MUC6: variants seen among roughly 807,000 people sequenced by gnomAD.
MUC6 encodes mucin 6, oligomeric mucus/gel-forming (gene/pseudogene).
A neutral mutation model predicts 201.5 loss-of-function variants in MUC6; 188 were observed. The ratio of observed to expected loss-of-function variants is 0.93; its 90% CI spans 0.83 to 1.05. The LOEUF is 1.05. Among genes scored for constraint, MUC6 ranks in the 50% least tolerant of loss-of-function variants. MUC6 has a pLI of 0.00. For missense variants in MUC6, 2,706 were observed against 3,256.9 expected (o/e 0.83, Z 4.12); for synonymous variants, 1,228 against 1,389.4 (o/e 0.88, Z 2.58).
rs1482885652 is a variant in MUC6 at position 1,026,975 on chromosome 11, G to A, written c.2360C>T (p.Pro787Leu). ...SENKFGAACA[P>L]TCQMLATGVA... is the part of the protein sequence containing the mutation. ...ACCGGTGGCCAGCATCTGGCATGTG[G>A]GGGCACAGGCTGCCCCAAACTTGTT... The change falls in exon 19 of 33, where the codon CCC (proline) becomes CTC (leucine). Residue 787 changes from proline (P) to leucine (L), a missense_variant. Physicochemically the swap from Pro to Leu is moderately conservative, Grantham distance 98. Coordinates refer to ENST00000421673, the MANE Select transcript of MUC6 (RefSeq NM_005961.3). 1.3e-6 allele frequency: 2 copies of A among 1,598,666 alleles called. No individual in the cohort carries two copies. Among genetic ancestry groups the A allele is most frequent in the Admixed American group, 3.5e-5 (2 of 57,810 alleles).
Position 1,027,019 on chromosome 11 carries a change from G to A in MUC6, c.2316C>T (p.Ser772=). ...ASCQAPKTFK[S]CSQSSENKFG... ...ACTTGTTCTCGGAGGACTGGCTGCAGGACTTGAAGGTCTTAGGGGCCTGGC... is the reference window on the plus strand; with the variant it reads ...ACTTGTTCTCGGAGGACTGGCTGCAAGACTTGAAGGTCTTAGGGGCCTGGC... The change falls in exon 19 of 33, where the codon TCC becomes TCT. Residue 772 remains serine (S), a synonymous_variant. Coordinates refer to ENST00000421673, the MANE Select transcript of MUC6 (RefSeq NM_005961.3). 6.2e-7 allele frequency: 1 copy of A among 1,602,770 alleles called. No individual in the cohort carries two copies. Among genetic ancestry groups the A allele is most frequent in the Non-Finnish European group, 8.5e-7 (1 of 1,175,522 alleles).
At chr11:1,026,519 C>T (rs777300723) in intron 19 of MUC6, 41 bp from the exon 20 acceptor site, 4 of 1,521,954 alleles carry the variant, frequency 2.6e-6, no homozygotes, top group Non-Finnish European at 2.6e-6. Flanking sequence ...AGGGTGGCCT[C>T]AGCCAGCTGC....
intron 25 of MUC6, 115 bp from the exon 26 acceptor site, chr11:1,023,767 C>G: frequency 6.7e-7 from 1 of 1,487,748 alleles, no homozygotes; most frequent in Non-Finnish European, 9.0e-7. Context: ...GGTCTGGGCC[C>G]TCTTGGTGAA....
In MUC6 at chr11:1,030,138, G is replaced by A. The variant is rs1465036061; in HGVS notation, c.1015+75C>T. ...TGGGGTGACCTGGGTCGGGGTGGGT[G>A]GGGTCTGACGTCCCCTTGTCTCTGG... On this transcript the variant is annotated intron_variant, in intron 8 of 32. Coordinates refer to ENST00000421673, the MANE Select transcript of MUC6 (RefSeq NM_005961.3). The A allele has an allele frequency of 6.9e-6, 10 of 1,459,806 alleles. No homozygotes were observed. The East Asian group carries it at 2.5e-4, about 37-fold the overall frequency. 90.4% of individuals were successfully genotyped at this position (1,459,806 alleles called of 1,614,324 possible).
intron 32 of MUC6, 130 bp downstream of exon 32, chr11:1,013,769 G>T: frequency 7.2e-7 from 1 of 1,388,788 alleles, no homozygotes; most frequent in Non-Finnish European, 9.9e-7. Context: ...GGGCGGTGTT[G>T]GGCAGATGGA....
chr11:1,013,531 C>T lies in MUC6; in HGVS notation c.7245G>A (p.Thr2415=), dbSNP rs767278489. 2.1e-5 allele frequency: 34 copies of T among 1,581,788 alleles called. No individual in the cohort carries two copies. Among genetic ancestry groups the T allele is most frequent in the Admixed American group, 1.1e-4 (6 of 55,426 alleles). The part of the protein sequence containing the change: ...QLELPCPDPS[T]PGRRLVLTLQ... ...GGGTGAGTACGAGCCGCCGGCCAGG[C>T]GTGCTGGGATCGGGGCAGGGCAGCT... is the stretch of plus-strand genomic sequence containing the variant. The change falls in exon 33 of 33, where the codon ACG becomes ACA. Residue 2415 remains threonine (T), a synonymous_variant. Transcript: ENST00000421673.
chr11:1,030,527 G>A, intron 7 of MUC6, 46 bp downstream of exon 7: 1 of 1,465,510 alleles, frequency 6.8e-7, no homozygotes, highest in Non-Finnish European at 9.0e-7. Context: ...GCTGGGTCTG[G>A]AGCCCTCGGC....
In MUC6 at chr11:1,023,628, G is replaced by A. The variant is rs373492122; in HGVS notation, c.3407C>T (p.Thr1136Met). The change falls in exon 26 of 33, where the codon ACG (threonine) becomes ATG (methionine). Residue 1136 changes from threonine (T) to methionine (M), a missense_variant. This residue lies in a region of MUC6 where 1,850 missense variants were observed against 1,958.3 expected (regional missense o/e 0.94). Transcript: ENST00000421673. The part of the protein sequence containing the change: ...FCPIYCGFYN[T>M]HTQDGHGEYQ... ...CTCGCCATGGCCGTCCTGCGTGTGC[G>A]TGTTGTAGAAGCCGCAGTAGATGGC... The A allele has an allele frequency of 1.2e-5, 19 of 1,612,720 alleles. No individual in the cohort carries two copies. The South Asian group carries it at 1.4e-4, about 12-fold the overall frequency.
Position 1,013,414 on chromosome 11 carries a change from A to T in MUC6, c.*42T>A. The T allele has an allele frequency of 6.6e-7, 1 of 1,520,524 alleles. No homozygotes were observed. The highest frequency in any genetic ancestry group is 8.9e-7 in the Non-Finnish European group (1 of 1,129,750). 94.2% of individuals were successfully genotyped at this position (1,520,524 alleles called of 1,614,324 possible). ...GCTGGTGGGTGTTTTCCTGTCTGTCATCTGCAGTCCTTCAGCCCCAGGAGA... is the reference window on the plus strand; with the variant it reads ...GCTGGTGGGTGTTTTCCTGTCTGTCTTCTGCAGTCCTTCAGCCCCAGGAGA... On this transcript the variant is annotated 3_prime_UTR_variant, in exon 33 of 33. Transcript: ENST00000421673.
At chr11:1,029,656 T>G (rs1857055289) in intron 8 of MUC6, 41 bp from the exon 9 acceptor site, 1 of 1,524,920 alleles carries the variant, frequency 6.6e-7, no homozygotes, top group Non-Finnish European at 8.8e-7. Flanking sequence ...TGGGACTGAC[T>G]GCCTCCCACT....
At chr11:1,026,574 G>A in intron 19 of MUC6, 96 bp from the exon 20 acceptor site, 1 of 1,345,816 alleles carries the variant, frequency 7.4e-7, no homozygotes, top group East Asian at 2.6e-5. Flanking sequence ...GTGTCTCCCA[G>A]GTCCTCTCCC....
rs777099957 is a variant in MUC6 at position 1,030,776 on chromosome 11, C to T, written c.689G>A (p.Arg230Gln). The T allele has an allele frequency of 4.7e-5, 72 of 1,536,498 alleles. No individual in the cohort carries two copies. The Admixed American group carries it at 5.3e-4, about 11-fold the overall frequency. The change falls in exon 7 of 33, where the codon CGG (arginine) becomes CAG (glutamine). Residue 230 changes from arginine to glutamine, a missense_variant. Physicochemically the swap from Arg to Gln is conservative, Grantham distance 43. Coordinates refer to ENST00000421673, the MANE Select transcript of MUC6 (RefSeq NM_005961.3). The stretch of plus-strand genomic sequence containing the variant: ...CAGGGTCAGCAGCTGGGTGCAGATC[C>T]GGGCCTGGGGGGGCCACTCAGGGTC... ...STHVRQAQHA[R>Q]ICTQLLTLVA...
At position 1,030,601 on chromosome 11, in the gene MUC6, G is replaced by T; in HGVS notation, c.864C>A (p.Val288=). ...SRQCSMVGQP[V]RRWRSPGLCS... is the part of the protein sequence containing the mutation. ...ACAGGCCGGGGCTCCGCCAGCGGCG[G>T]ACCGGCTGGCCCACCATGCTGCACT... Residue 288 remains valine (V), a synonymous_variant, in exon 7 of 33, where the codon GTC becomes GTA. Coordinates refer to ENST00000421673, the MANE Select transcript of MUC6 (RefSeq NM_005961.3). 6.5e-7 allele frequency: 1 copy of T among 1,529,508 alleles called. No individual in the cohort carries two copies. Among genetic ancestry groups the T allele is most frequent in the South Asian group, 1.2e-5 (1 of 81,688 alleles). 94.7% of individuals were successfully genotyped at this position (1,529,508 alleles called of 1,614,324 possible). A position where few individuals can be genotyped will look rare whatever the true frequency, so the allele number is the denominator to read the frequency against.
chr11:1,031,946 A>G lies in MUC6; in HGVS notation c.223T>C (p.Cys75Arg). ...CTGAAGGTGGGGAAGGCGTCCTTGC[A>G]GGTGGCCGCGAAGATGTAGTTGCAC... is the stretch of plus-strand genomic sequence containing the variant. Reference protein sequence around the residue: ...GTCNYIFAATCKDAFPTFSVQ... With the variant: ...GTCNYIFAATRKDAFPTFSVQ... Residue 75 changes from cysteine to arginine, a missense_variant, in exon 3 of 33, where the codon TGC becomes CGC. Cys to Arg is a radical substitution (Grantham distance 180). This residue lies in a region of MUC6 where 1,850 missense variants were observed against 1,958.3 expected (regional missense o/e 0.94). Transcript: ENST00000421673. The G allele has an allele frequency of 6.2e-7, 1 of 1,613,508 alleles. No homozygotes were observed. The highest frequency in any genetic ancestry group is 8.5e-7 in the Non-Finnish European group (1 of 1,179,882).
intron 19 of MUC6, 125 bp downstream of exon 19, chr11:1,026,816 C>A: frequency 9.5e-7 from 1 of 1,056,370 alleles, no homozygotes; most frequent in Non-Finnish European, 1.3e-6. Flanking sequence ...GCTTCCACCT[C>A]GTGGCCAGCC....
chr11:1,027,560 C>T (rs556776459), intron 16 of MUC6, 43 bp from the exon 17 acceptor site: 30 of 1,605,452 alleles, frequency 1.9e-5, no homozygotes, highest in East Asian at 1.3e-4. Flanking sequence ...AGGGGGCGGC[C>T]GGGAGGGCAA....
chr11:1,020,673 C>CGTGCCATTACCTGTG lies in MUC6; in HGVS notation c.3640+10_3640+11insCACAGGTAATGGCAC. On this transcript the variant is annotated intron_variant, in intron 28 of 32. Coordinates refer to ENST00000421673, the MANE Select transcript of MUC6 (RefSeq NM_005961.3). Reference sequence around the variant, plus strand: ...CTGCGTCACCTTGGCACCTAGTGTGCGTGCAATTACCTGTGGTGGGCAGCT... The same window carrying CGTGCCATTACCTGTG: ...CTGCGTCACCTTGGCACCTAGTGTGCGTGCCATTACCTGTGGTGCAATTACCTGTGGTGGGCAGCT... 6.2e-7 allele frequency: 1 copy of CGTGCCATTACCTGTG among 1,613,542 alleles called. No homozygotes were observed. The highest frequency in any genetic ancestry group is 2.2e-5 in the East Asian group (1 of 44,888).
At position 1,016,411 on chromosome 11, in the gene MUC6, T is replaced by G. The variant is rs749618247; in HGVS notation, c.6390A>C (p.Ser2130=). The G allele has an allele frequency of 6.2e-7, 1 of 1,612,812 alleles. No individual in the cohort carries two copies. The highest frequency in any genetic ancestry group is 1.1e-5 in the South Asian group (1 of 91,018). ...AGGGGGCAGAAGGACTGGGAGAAAA[T>G]GAGGAGGACAGCTGATTAGTTGTGG... ...PVSTTNQLSS[S]FSPSPSAPST... is the part of the protein sequence containing the mutation. Residue 2130 remains serine, a synonymous_variant, in exon 31 of 33, where the codon TCA becomes TCC. Transcript: ENST00000421673.
In MUC6 at chr11:1,033,096, G is replaced by A. The variant is rs1857147692; in HGVS notation, c.53-21C>T. ...CAGACCTGTGTGGACGGGACCCGCA[G>A]TCGGTGTGGGGCTACCCCGTCGTCC... On this transcript the variant is annotated intron_variant, in intron 1 of 32. Coordinates refer to ENST00000421673, the MANE Select transcript of MUC6 (RefSeq NM_005961.3). The surrounding 1 kb of genome is among the most constrained non-coding windows in gnomAD (Gnocchi z 5.6). 1 of 1,612,494 alleles carries A rather than the reference G, an allele frequency of 6.2e-7. No homozygotes were observed. The highest frequency in any genetic ancestry group is 1.7e-5 in the Admixed American group (1 of 59,960).
Sources: gnomAD v4.1 joint callset for allele counts on GRCh38, gnomAD v4.1.1 for gene constraint, gnomAD v4.1.1 regional missense constraint, Gnocchi (gnomAD v3.1) non-coding constraint, MANE v1.5 for transcripts, NCBI Gene and HGNC (gene_info 2026-07-23, HGNC 2026-07-21) for gene names.